PPP2R3A: variants seen among roughly 807,000 people sequenced by gnomAD.
PPP2R3A encodes the protein protein phosphatase 2 regulatory subunit B''alpha, also known as serine/threonine-protein phosphatase 2A regulatory subunit B'' subunit alpha.
In PPP2R3A, 80 loss-of-function variants were observed where a neutral mutation model predicts 106.9. That is an observed-to-expected ratio of 0.75 (90% CI 0.62 to 0.90). PPP2R3A has a LOEUF of 0.90. Ranked by LOEUF, PPP2R3A falls within the 40% of genes least tolerant of loss-of-function variation. The pLI is 0.00. For synonymous variants in PPP2R3A, 483 were observed against 468.3 expected (o/e 1.03, Z -0.41); for missense variants, 1,386 against 1,350.4 (o/e 1.03, Z -0.41).
chr3:136,043,482 A>G (rs1369903228), intron 4 of PPP2R3A, among the ~76,000 whole-genome samples: 1 of 152,114 alleles, frequency 6.6e-6, no homozygotes, highest in Non-Finnish European at 1.5e-5. Flanking sequence ...ATATAGGGAA[A>G]TAATTTCTCT....
intron 8 of PPP2R3A, among the ~76,000 whole-genome samples, chr3:136,083,796 G>A (rs527502211): frequency 1.3e-5 from 2 of 152,360 alleles, no homozygotes; most frequent in South Asian, 4.1e-4. Context: ...CTCAGGTGGA[G>A]ATGAGGAACT....
At position 136,147,280 on chromosome 3, in the gene PPP2R3A, C is replaced by G. The variant is rs1437108941; in HGVS notation, c.*2114C>G. 1 of 152,562 alleles carries G rather than the reference C, an allele frequency of 6.6e-6. No individual in the cohort carries two copies. Among genetic ancestry groups the G allele is most frequent in the Non-Finnish European group, 1.5e-5 (1 of 68,100 alleles). The allele number at this position is 152,562 out of a possible 1,614,324, so 9.5% of individuals were successfully genotyped here. On this transcript the variant is annotated 3_prime_UTR_variant, in exon 14 of 14. Coordinates refer to ENST00000264977, the MANE Select transcript of PPP2R3A (RefSeq NM_002718.5). ...TTGGGAGGCTGAGGCAGGAGAATCGCTTGAGCCCCAGGCTTCGAGGCTGCA... is the reference window on the plus strand; with the variant it reads ...TTGGGAGGCTGAGGCAGGAGAATCGGTTGAGCCCCAGGCTTCGAGGCTGCA...
At chr3:136,030,756 C>T (rs1934841069) in intron 3 of PPP2R3A, among the ~76,000 whole-genome samples, 1 of 84,904 alleles carries the variant, frequency 1.2e-5, no homozygotes, top group South Asian at 4.1e-4. Context: ...AGTAGTATTC[C>T]ATCACATATA....
At chr3:136,098,055 A>T (rs1439625036) in intron 10 of PPP2R3A, among the ~76,000 whole-genome samples, 1 of 152,230 alleles carries the variant, frequency 6.6e-6, no homozygotes, top group Non-Finnish European at 1.5e-5. Context: ...GTTCTTTAAT[A>T]ATAATGTTAA....
chr3:136,042,240 T>C (rs1334944990), intron 4 of PPP2R3A, among the ~76,000 whole-genome samples: 6 of 152,124 alleles, frequency 3.9e-5, no homozygotes, highest in South Asian at 2.1e-4. Context: ...ACATTAGAAC[T>C]AAAGAGTCTA....
intron 3 of PPP2R3A, among the ~76,000 whole-genome samples, chr3:136,031,956 C>T (rs1478247839): frequency 6.6e-6 from 1 of 152,048 alleles, no homozygotes; most frequent in African/African-American, 2.4e-5. Flanking sequence ...TAGATTTATT[C>T]TTTTTGCTTA....
intron 8 of PPP2R3A, among the ~76,000 whole-genome samples, chr3:136,085,625 T>A (rs1012182369): frequency 2.0e-5 from 3 of 152,196 alleles, no homozygotes; most frequent in Admixed American, 6.5e-5. Context: ...TTCATTCTTC[T>A]CTCATAAGAT....
At position 136,002,344 on chromosome 3, in the gene PPP2R3A, G is replaced by T. The variant is rs752058257; in HGVS notation, c.846G>T (p.Met282Ile). The T allele has an allele frequency of 6.2e-7, 1 of 1,613,806 alleles. No individual in the cohort carries two copies. The highest frequency in any genetic ancestry group is 1.1e-5 in the South Asian group (1 of 91,008). ...SSSETVYMNVMTRLASYLKKL... is the reference protein window; with the variant it reads ...SSSETVYMNVITRLASYLKKL... ...CTGAAACTGTCTATATGAATGTAAT[G>T]ACCAGGTTAGCATCCTATCTGAAAA... Residue 282 changes from methionine (M) to isoleucine (I), a missense_variant, in exon 2 of 14, where the codon ATG (methionine) becomes ATT (isoleucine). Physicochemically the swap from Met to Ile is conservative, Grantham distance 10. Transcript: ENST00000264977.
At chr3:136,052,702 A>C (rs1273036800) in intron 5 of PPP2R3A, among the ~76,000 whole-genome samples, 63 of 152,234 alleles carry the variant, frequency 4.1e-4, no homozygotes, top group Non-Finnish European at 1.5e-4. Flanking sequence ...AGACAACAAC[A>C]AAATCATAAT....
At position 136,144,670 on chromosome 3, in the gene PPP2R3A, AAAG is replaced by A. The variant is rs201440364; in HGVS notation, c.3330-372_3330-370del. ...AGCAAGGCTCCGTCTCAAAAAAAAA[AAAG>A]GTTTGCCACTCTGAGTGGAAACCAC... On this transcript the variant is annotated intron_variant, in intron 13 of 13. Transcript: ENST00000264977. 7.5e-3 allele frequency among the ~76,000 whole-genome samples: 1,144 copies of A among 152,140 alleles called. 17 individuals carry two copies. The highest frequency in any genetic ancestry group is 0.026 in the African/African-American group (1,075 of 41,486).
chr3:136,142,293 A>G (rs1334334916), intron 13 of PPP2R3A, among the ~76,000 whole-genome samples: 1 of 152,154 alleles, frequency 6.6e-6, no homozygotes, highest in Non-Finnish European at 1.5e-5. Flanking sequence ...TCTACCCACT[A>G]GATGCCAGTA....
In PPP2R3A at chr3:136,001,692, A is replaced by ATC; in HGVS notation, c.195_196insCT (p.Ala66LeufsTer4). On this transcript the variant is annotated frameshift_variant, in exon 2 of 14. Transcript: ENST00000264977. LOFTEE classifies it high-confidence loss of function. ...CACATCCCTGTGTCTCAGTTCAAAG[A>ATC]TGCAGATCTGAACTCTATGTTTCTA... The ATC allele has an allele frequency of 6.2e-7, 1 of 1,614,082 alleles. No homozygotes were observed. The highest frequency in any genetic ancestry group is 8.5e-7 in the Non-Finnish European group (1 of 1,179,988).
chr3:136,098,282 C>T lies in PPP2R3A; in HGVS notation c.2928-3725C>T, dbSNP rs1037073807. On this transcript the variant is annotated intron_variant, in intron 10 of 13. Coordinates refer to ENST00000264977, the MANE Select transcript of PPP2R3A (RefSeq NM_002718.5). ...AGTGAGCCATGATTGCAGTACTGCA[C>T]TCCAGCCTGGGTAACAGAATGAGAG... Among the ~76,000 whole-genome samples the T allele has an allele frequency of 4.6e-5, 7 of 152,202 alleles. No homozygotes were observed. In the South Asian group the frequency reaches 1.2e-3, roughly 27 times the overall value.
At chr3:136,119,130 C>T (rs943235798) in intron 13 of PPP2R3A, among the ~76,000 whole-genome samples, 31 of 152,316 alleles carry the variant, frequency 2.0e-4, no homozygotes, top group African/African-American at 7.0e-4. Context: ...AAAGGATTCC[C>T]TATTTAATAA....
chr3:136,055,191 A>G (rs1397542374), intron 5 of PPP2R3A: 1 of 732,148 alleles, frequency 1.4e-6, no homozygotes, highest in African/African-American at 1.7e-5. Context: ...AATATAGAAG[A>G]GATGACTGTG....
At chr3:135,995,165 C>G (rs972252237) in intron 1 of PPP2R3A, among the ~76,000 whole-genome samples, 2 of 152,124 alleles carry the variant, frequency 1.3e-5, no homozygotes, top group African/African-American at 4.8e-5. Context: ...GACCAAAAGC[C>G]TGGGGGGGTG....
Position 136,003,436 on chromosome 3 carries a change from TAAAGCC to T in PPP2R3A, c.1943_1948del (p.Ala648_Lys649del). Reference sequence around the variant, plus strand: ...CAGTCTGTAGAAGTCCTGTTGGTGATAAAGCCAAAGATACTACTTCAGCAGTTTTGA... The same window carrying T: ...CAGTCTGTAGAAGTCCTGTTGGTGATAAAGATACTACTTCAGCAGTTTTGA... On this transcript the variant is annotated inframe_deletion, in exon 2 of 14. Coordinates refer to ENST00000264977, the MANE Select transcript of PPP2R3A (RefSeq NM_002718.5). The T allele has an allele frequency of 6.2e-7, 1 of 1,613,818 alleles. No homozygotes were observed. Among genetic ancestry groups the T allele is most frequent in the Non-Finnish European group, 8.5e-7 (1 of 1,179,854 alleles).
In PPP2R3A at chr3:136,049,307, A is replaced by G. The variant is rs921336220; in HGVS notation, c.2415A>G (p.Leu805=). ...ATGCCTCTAAATTCATCTGTCTTCTAGCAAAGCCCAACTGCAGCTCTCTAG... is the reference window on the plus strand; with the variant it reads ...ATGCCTCTAAATTCATCTGTCTTCTGGCAAAGCCCAACTGCAGCTCTCTAG... The part of the protein sequence containing the change: ...HDDASKFICL[L]AKPNCSSLEQ... Residue 805 remains leucine, a synonymous_variant, in exon 5 of 14, where the codon CTA becomes CTG. Coordinates refer to ENST00000264977, the MANE Select transcript of PPP2R3A (RefSeq NM_002718.5). The G allele has an allele frequency of 2.5e-6, 4 of 1,613,930 alleles. No individual in the cohort carries two copies. Among genetic ancestry groups the G allele is most frequent in the East Asian group, 4.5e-5 (2 of 44,872 alleles).
In PPP2R3A at chr3:136,146,399, C is replaced by G. The variant is rs567962984; in HGVS notation, c.*1233C>G. Reference sequence around the variant, plus strand: ...CCCTAGATTTTTTTTTTAACTAGTTCTGAAAGTGTCAAGAATAGCTTCCCT... The same window carrying G: ...CCCTAGATTTTTTTTTTAACTAGTTGTGAAAGTGTCAAGAATAGCTTCCCT... On this transcript the variant is annotated 3_prime_UTR_variant, in exon 14 of 14. Coordinates refer to ENST00000264977, the MANE Select transcript of PPP2R3A (RefSeq NM_002718.5). The G allele has an allele frequency of 1.8e-4, 27 of 152,154 alleles. No individual in the cohort carries two copies. The highest frequency in any genetic ancestry group is 6.5e-4 in the African/African-American group (27 of 41,528). 9.4% of individuals were successfully genotyped at this position (152,154 alleles called of 1,614,324 possible).
Sources: gnomAD v4.1 joint callset for allele counts (sites outside exome capture counted in the v4.1 genomes callset) on GRCh38, gnomAD v4.1.1 for gene constraint, MANE v1.5 for transcripts, NCBI Gene and HGNC (gene_info 2026-07-23, HGNC 2026-07-21) for gene names.